Variants in UAP1 observed in about 807,000 individuals in gnomAD.
UAP1 encodes the protein UDP-N-acetylhexosamine pyrophosphorylase.
A neutral mutation model predicts 58.5 loss-of-function variants in UAP1; 25 were observed. That is an observed-to-expected ratio of 0.43 (90% CI 0.31 to 0.60). The LOEUF (loss-of-function observed/expected upper bound fraction) is 0.60, where lower values mean the gene tolerates loss of function less well. Among genes scored for constraint, UAP1 ranks in the 20% least tolerant of loss-of-function variants. The pLI is 0.11. For missense variants in UAP1, 575 were observed against 630.0 expected (o/e 0.91, Z 0.93); for synonymous variants, 208 against 213.0 (o/e 0.98, Z 0.21).
chr1:162,589,209 A>G (rs867797483), intron 7 of UAP1, among the ~76,000 whole-genome samples: 1 of 111,928 alleles, frequency 8.9e-6, no homozygotes, highest in African/African-American at 3.6e-5. Context: ...TTATATTTAA[A>G]TATATATAAT....
chr1:162,585,813 A>G (rs1287585996), intron 5 of UAP1, among the ~76,000 whole-genome samples: 2 of 151,898 alleles, frequency 1.3e-5, no homozygotes, highest in African/African-American at 2.4e-5. Flanking sequence ...GAATAAGGGG[A>G]ATCTATCCCA....
chr1:162,590,562 T>A, intron 8 of UAP1, 51 bp downstream of exon 8: 1 of 1,469,236 alleles, frequency 6.8e-7, no homozygotes, highest in Non-Finnish European at 9.2e-7. Context: ...GGACTTTTCC[T>A]CTTGGACTTC....
chr1:162,587,026 A>G (rs1425117126), intron 5 of UAP1, among the ~76,000 whole-genome samples: 1 of 152,210 alleles, frequency 6.6e-6, no homozygotes, highest in African/African-American at 2.4e-5. Flanking sequence ...ATATCGGGCA[A>G]TAGAAAATGA....
chr1:162,592,330 A>G (rs1655365793), intron 8 of UAP1, among the ~76,000 whole-genome samples: 1 of 152,204 alleles, frequency 6.6e-6, no homozygotes, highest in East Asian at 1.9e-4. Context: ...GAGAAGTTTC[A>G]GTGAGCTGAG....
At chr1:162,573,271 A>G (rs1653979514) in intron 2 of UAP1, among the ~76,000 whole-genome samples, 1 of 149,108 alleles carries the variant, frequency 6.7e-6, no homozygotes. Flanking sequence ...AGACAGACTA[A>G]AAAAAAAAGG....
intron 6 of UAP1, 24 bp from the exon 7 acceptor site, chr1:162,588,669 A>G (rs766348024): frequency 1.3e-6 from 2 of 1,589,758 alleles, no homozygotes; most frequent in African/African-American, 1.4e-5. Context: ...ACGTGATTAT[A>G]TCTTTTCTCC....
intron 9 of UAP1, among the ~76,000 whole-genome samples, chr1:162,595,393 G>A (rs1398076003): frequency 6.6e-6 from 1 of 152,050 alleles, no homozygotes; most frequent in Non-Finnish European, 1.5e-5. Flanking sequence ...TAATGGGGTG[G>A]GCCCTCATTT....
intron 1 of UAP1, among the ~76,000 whole-genome samples, chr1:162,564,040 C>T (rs1475541505): frequency 2.6e-5 from 4 of 152,204 alleles, no homozygotes; most frequent in Non-Finnish European, 5.9e-5. Context: ...TTGGGAAAGA[C>T]TACATTCCTT....
At chr1:162,566,244 C>T (rs368390031) in exon 2 of UAP1, 2 of 1,614,154 alleles carry the variant, frequency 1.2e-6, no homozygotes, top group Non-Finnish European at 1.7e-6. Context: ...TTTAACCAGT[C>T]TTCTCACCAA....
chr1:162,580,015 C>T (rs963700048), intron 4 of UAP1, among the ~76,000 whole-genome samples: 3 of 152,130 alleles, frequency 2.0e-5, no homozygotes, highest in Non-Finnish European at 2.9e-5. Context: ...CAGGCACGCG[C>T]CACCATGCCC....
chr1:162,587,142 A>AATTT (rs1239279416), intron 5 of UAP1, among the ~76,000 whole-genome samples: 1 of 152,208 alleles, frequency 6.6e-6, no homozygotes, highest in Non-Finnish European at 1.5e-5. Flanking sequence ...TTAAATAAAA[A>AATTT]GTACAAGATA....
rs1226525209 is a variant in UAP1 at position 162,598,219 on chromosome 1, A to G, written c.1476+361A>G. 3.4e-5 allele frequency among the ~76,000 whole-genome samples: 5 copies of G among 145,710 alleles called. No individual in the cohort carries two copies. In the South Asian group the frequency reaches 1.2e-3, roughly 35 times the overall value. ...TGTCTTTATAAAGAAAAAAAAAATT[A>G]CAAAAAAAGAAATAAAACTTTTTTA... On this transcript the variant is annotated intron_variant, in intron 10 of 10. Coordinates refer to ENST00000271469, the Ensembl canonical transcript of UAP1.
chr1:162,567,420 A>G (rs979180676), intron 2 of UAP1, among the ~76,000 whole-genome samples: 1 of 152,210 alleles, frequency 6.6e-6, no homozygotes, highest in African/African-American at 2.4e-5. Flanking sequence ...AATGCTTTTC[A>G]TTCTAAAGCA....
intron 3 of UAP1, among the ~76,000 whole-genome samples, chr1:162,577,687 C>T (rs1452423506): frequency 6.6e-6 from 1 of 151,778 alleles, no homozygotes; most frequent in Admixed American, 6.6e-5. Flanking sequence ...TTTCGGCCCA[C>T]TGCAACCCCT....
At chr1:162,564,077 C>T (rs1444678968) in intron 1 of UAP1, among the ~76,000 whole-genome samples, 1 of 152,114 alleles carries the variant, frequency 6.6e-6, no homozygotes, top group African/African-American at 2.4e-5. Context: ...TAAATCTGTT[C>T]CTCTCAAGTG....
chr1:162,598,314 A>G (rs1259818491), intron 10 of UAP1, among the ~76,000 whole-genome samples: 2 of 152,168 alleles, frequency 1.3e-5, no homozygotes, highest in African/African-American at 2.4e-5. Flanking sequence ...GCATTTTCTG[A>G]TGGTCCTGCC....
chr1:162,588,861 T>G, intron 7 of UAP1, 28 bp downstream of exon 7: 1 of 1,575,646 alleles, frequency 6.3e-7, no homozygotes, highest in South Asian at 1.2e-5. Flanking sequence ...CCAATAAGGT[T>G]AAATAAATGT....
intron 9 of UAP1, among the ~76,000 whole-genome samples, chr1:162,594,568 C>T (rs1015298941): frequency 6.6e-6 from 1 of 152,060 alleles, no homozygotes; most frequent in Non-Finnish European, 1.5e-5. Context: ...GATGCAGAGC[C>T]CTTTATCACT....
intron 1 of UAP1, among the ~76,000 whole-genome samples, chr1:162,565,159 A>G (rs1025477337): frequency 2.0e-5 from 3 of 151,970 alleles, no homozygotes; most frequent in Non-Finnish European, 4.4e-5. Flanking sequence ...AATCTTATCT[A>G]TGTAGTCTGC....
Sources: gnomAD v4.1 joint callset for allele counts (sites outside exome capture counted in the v4.1 genomes callset) on GRCh38, gnomAD v4.1.1 for gene constraint, MANE v1.5 for transcripts, NCBI Gene and HGNC (gene_info 2026-07-23, HGNC 2026-07-21) for gene names.